Variants in USP37 observed in about 807,000 individuals in gnomAD.
USP37 encodes the protein ubiquitin specific peptidase 37.
A neutral mutation model predicts 124.0 loss-of-function variants in USP37; 27 were observed. The ratio of observed to expected loss-of-function variants is 0.22; its 90% CI spans 0.16 to 0.30. The LOEUF is 0.30. Among genes scored for constraint, USP37 ranks in the 10% least tolerant of loss-of-function variants. The probability of loss-of-function intolerance (pLI) is 1.00; values close to 1 mark genes in which losing one functional copy is unlikely to be tolerated. For synonymous variants in USP37, 365 were observed against 388.0 expected (o/e 0.94, Z 0.70); for missense variants, 889 against 1,140.4 (o/e 0.78, Z 3.17).
intron 11 of USP37, among the ~76,000 whole-genome samples, chr2:218,504,858 A>G (rs1232993860): frequency 1.3e-5 from 2 of 152,102 alleles, no homozygotes; most frequent in Non-Finnish European, 2.9e-5. Flanking sequence ...AAGTGTTGGG[A>G]TTACAGGCGT....
intron 9 of USP37, among the ~76,000 whole-genome samples, chr2:218,533,773 T>C (rs1291060158): frequency 3.3e-5 from 5 of 152,222 alleles, no homozygotes; most frequent in Non-Finnish European, 7.3e-5. Context: ...CATGCCATAT[T>C]TTAGCTTACT....
At chr2:218,503,787 A>G (rs1396148801) in intron 11 of USP37, among the ~76,000 whole-genome samples, 1 of 152,188 alleles carries the variant, frequency 6.6e-6, no homozygotes, top group East Asian at 1.9e-4. Context: ...GTGGGAGGCA[A>G]TAATGGAGAT....
At chr2:218,561,146 GTA>G (rs1190089885) in intron 2 of USP37, among the ~76,000 whole-genome samples, 1 of 152,162 alleles carries the variant, frequency 6.6e-6, no homozygotes, top group Non-Finnish European at 1.5e-5. Context: ...AGCCAGCAAT[GTA>G]TATCTGTAAT....
rs887654537 is a variant in USP37 at position 218,526,806 on chromosome 2, T to G, written c.863+3150A>C. 9.7e-5 allele frequency among the ~76,000 whole-genome samples: 14 copies of G among 144,866 alleles called. No homozygotes were observed. In the South Asian group the frequency reaches 1.1e-3, roughly 12 times the overall value. ...TTTGCTTTTTTTTTTTTTTTTTTTT[T>G]GGGACGGAGTCTTGCTCTGTCGCCC... On this transcript the variant is annotated intron_variant, in intron 10 of 25. Coordinates refer to ENST00000258399, the MANE Select transcript of USP37 (RefSeq NM_020935.3).
intron 22 of USP37, among the ~76,000 whole-genome samples, chr2:218,460,577 C>G (rs1235950039): frequency 1.3e-5 from 2 of 152,052 alleles, no homozygotes; most frequent in African/African-American, 4.8e-5. Flanking sequence ...TACTTGGTGT[C>G]ATTAGCAAAC....
intron 1 of USP37, 57 bp downstream of exon 1, chr2:218,568,118 CAGA>C (rs1053306470): frequency 4.6e-5 from 7 of 152,522 alleles, no homozygotes; most frequent in African/African-American, 1.4e-4. Flanking sequence ...GCGGATCGCA[CAGA>C]AGGAGGAGGA....
intron 16 of USP37, among the ~76,000 whole-genome samples, chr2:218,482,617 G>A (rs1365200524): frequency 6.6e-6 from 1 of 152,148 alleles, no homozygotes; most frequent in Non-Finnish European, 1.5e-5. Context: ...GTAAAATAAT[G>A]TCTATTAAAA....
intron 3 of USP37, among the ~76,000 whole-genome samples, chr2:218,559,795 G>A (rs140555324): frequency 9.2e-5 from 14 of 152,096 alleles, no homozygotes; most frequent in African/African-American, 2.9e-4. Flanking sequence ...TGAGCAACAC[G>A]GCAAAAACCT....
chr2:218,487,169 T>C (rs1199476737), intron 15 of USP37, among the ~76,000 whole-genome samples: 1 of 152,228 alleles, frequency 6.6e-6, no homozygotes, highest in Admixed American at 6.5e-5. Flanking sequence ...ACAGTCTGAT[T>C]ATGCCCCAGA....
At chr2:218,522,860 G>A (rs953903066) in intron 10 of USP37, among the ~76,000 whole-genome samples, 20 of 152,188 alleles carry the variant, frequency 1.3e-4, no homozygotes, top group African/African-American at 2.4e-4. Flanking sequence ...TTTCAGGGCC[G>A]GATGCGGCAG....
At chr2:218,493,653 T>C (rs1476679967) in intron 14 of USP37, among the ~76,000 whole-genome samples, 4 of 152,176 alleles carry the variant, frequency 2.6e-5, no homozygotes, top group Non-Finnish European at 4.4e-5. Flanking sequence ...GTATTTTTAA[T>C]GAAGATGGGG....
rs1689451212 is a variant in USP37 at position 218,450,488 on chromosome 2, G to A, written c.*4442C>T. On this transcript the variant is annotated 3_prime_UTR_variant, in exon 26 of 26. Transcript: ENST00000258399. ...CACAGCTGCCAGAAAACCTGGTAGTGGCTCAATTAGGCAAAGTGTAGGAAT... is the reference window on the plus strand; with the variant it reads ...CACAGCTGCCAGAAAACCTGGTAGTAGCTCAATTAGGCAAAGTGTAGGAAT... The A allele has an allele frequency of 6.6e-6, 1 of 152,546 alleles. No homozygotes were observed. The highest frequency in any genetic ancestry group is 1.9e-4 in the East Asian group (1 of 5,196). 9.4% of individuals were successfully genotyped at this position (152,546 alleles called of 1,614,324 possible).
chr2:218,480,955 C>T (rs769957721), intron 17 of USP37, among the ~76,000 whole-genome samples: 1 of 152,206 alleles, frequency 6.6e-6, no homozygotes, highest in Non-Finnish European at 1.5e-5. Context: ...TGAGACGTGG[C>T]TCTTTCAGAC....
chr2:218,507,029 C>G (rs138920880), intron 11 of USP37, among the ~76,000 whole-genome samples: 1,947 of 152,182 alleles, frequency 0.013, 48 homozygotes, highest in African/African-American at 0.045. Flanking sequence ...AACTCCTGAC[C>G]TCAAGTGATC....
intron 4 of USP37, among the ~76,000 whole-genome samples, chr2:218,557,279 G>C (rs1002873095): frequency 6.6e-6 from 1 of 152,140 alleles, no homozygotes; most frequent in Non-Finnish European, 1.5e-5. Flanking sequence ...AGGTAAAACC[G>C]TCATGCTCCT....
At position 218,558,590 on chromosome 2, in the gene USP37, A is replaced by G; in HGVS notation, c.64T>C (p.Trp22Arg). Reference protein sequence around the residue: ...IRSMQTGITKWKEGSFEIVEK... With the variant: ...IRSMQTGITKRKEGSFEIVEK... Reference sequence around the variant, plus strand: ...ACAATTTCAAAGGATCCTTCTTTCCACTTTGTAATCCCAGTCTGCATACTT... The same window carrying G: ...ACAATTTCAAAGGATCCTTCTTTCCGCTTTGTAATCCCAGTCTGCATACTT... The change falls in exon 4 of 26, where the codon TGG becomes CGG. Residue 22 changes from tryptophan to arginine, a missense_variant. Coordinates refer to ENST00000258399, the MANE Select transcript of USP37 (RefSeq NM_020935.3). 1 of 1,613,452 alleles carries G rather than the reference A, an allele frequency of 6.2e-7. No homozygotes were observed.
At chr2:218,529,436 C>T (rs942612232) in intron 10 of USP37, among the ~76,000 whole-genome samples, 3 of 148,528 alleles carry the variant, frequency 2.0e-5, no homozygotes, top group Admixed American at 6.8e-5. Flanking sequence ...CACCACTGTA[C>T]TCTATCCAGC....
At chr2:218,465,985 A>G in intron 21 of USP37, 25 bp downstream of exon 21, 4 of 1,598,254 alleles carry the variant, frequency 2.5e-6, no homozygotes, top group Non-Finnish European at 3.4e-6. Flanking sequence ...AGTACAGAGA[A>G]AGTAGCAATA....
At position 218,482,182 on chromosome 2, in the gene USP37, T is replaced by C. The variant is rs1373069774; in HGVS notation, c.1723A>G (p.Asn575Asp). 2 of 1,613,940 alleles carry C rather than the reference T, an allele frequency of 1.2e-6. No individual in the cohort carries two copies. The highest frequency in any genetic ancestry group is 2.7e-5 in the African/African-American group (2 of 74,930). The change falls in exon 17 of 26, where the codon AAC (asparagine) becomes GAC (aspartate). Residue 575 changes from asparagine to aspartate, a missense_variant. Physicochemically the swap from Asn to Asp is conservative, Grantham distance 23. Transcript: ENST00000258399. ...RYSFNVALSL[N>D]NKIGQQVIIP... is the part of the protein sequence containing the mutation. ...ATGACTTGCTGCCCAATCTTATTGT[T>C]AAGCGAGAGAGCCACATTGAAGCTA...
Sources: gnomAD v4.1 joint callset for allele counts (sites outside exome capture counted in the v4.1 genomes callset) on GRCh38, gnomAD v4.1.1 for gene constraint, MANE v1.5 for transcripts, NCBI Gene and HGNC (gene_info 2026-07-23, HGNC 2026-07-21) for gene names.